HINT3: variants seen among roughly 807,000 people sequenced by gnomAD.
HINT3 encodes adenosine 5'-monophosphoramidase HINT3.
A neutral mutation model predicts 19.1 loss-of-function variants in HINT3; 16 were observed. That is an observed-to-expected ratio of 0.84 (90% CI 0.57 to 1.27). HINT3 has a LOEUF of 1.27. HINT3 is among the 50% of genes most tolerant of loss of function. The probability of loss-of-function intolerance (pLI) is 0.00; values close to 1 mark genes in which losing one functional copy is unlikely to be tolerated. For missense variants in HINT3, 197 were observed against 225.8 expected, an observed-to-expected ratio of 0.87 and a Z score of 0.82; for synonymous variants, 75 against 84.8, an observed-to-expected ratio of 0.88 and a Z score of 0.63.
rs1554209736 is a variant in HINT3, at chr6:125,962,233, T to TATATATATATATATAC, written c.202-4653_202-4652insTATATATATATATACA. Among the ~76,000 whole-genome samples the TATATATATATATATAC allele has an allele frequency of 1.9e-4, 4 of 20,706 alleles. 1 individual carries two copies. Among genetic ancestry groups the TATATATATATATATAC allele is most frequent in the African/African-American group, 1.3e-3 (4 of 3,094 alleles). The allele number at this position is 20,706 out of a possible 152,430, so 13.6% of individuals were successfully genotyped here. A position where few individuals can be genotyped will look rare whatever the true frequency, so the allele number is the denominator to read the frequency against. On this transcript the variant is annotated intron_variant, in intron 1 of 4. Transcript: ENST00000229633. ...ATACACATATATATATATATATATA[T>TATATATATATATATAC]ACACATATATATATATACACACATA...
At chr6:125,969,076 C>T (rs1789059995) in intron 2 of HINT3, among the ~76,000 whole-genome samples, 1 of 152,026 alleles carries the variant, frequency 6.6e-6, no homozygotes, top group Non-Finnish European at 1.5e-5. Context: ...TAAATTGTTT[C>T]CCAAGGCTGA....
chr6:125,972,593 TA>T (rs1044606763), intron 3 of HINT3, among the ~76,000 whole-genome samples: 4 of 151,926 alleles, frequency 2.6e-5, no homozygotes, highest in Non-Finnish European at 4.4e-5. Context: ...GTCTACTTTT[TA>T]AAAAAAAATT....
At chr6:125,977,474 A>G (rs1789195219) in intron 4 of HINT3, among the ~76,000 whole-genome samples, 170 bp from the exon 5 acceptor site, 1 of 152,198 alleles carries the variant, frequency 6.6e-6, no homozygotes. Flanking sequence ...CATACAATGT[A>G]GAATAATTAT....
At chr6:125,963,679 T>C (rs1788977163) in intron 1 of HINT3, among the ~76,000 whole-genome samples, 1 of 152,210 alleles carries the variant, frequency 6.6e-6, no homozygotes, top group African/African-American at 2.4e-5. Flanking sequence ...TCTTTTTATA[T>C]GTAAAGCATA....
Position 125,957,156 on chromosome 6 carries a change from G to T in HINT3, c.179G>T (p.Gly60Val). ...CGGATCGCGGGGCGGCAGGACCCGGGCACCGAACTCCTGCACTGCGAGGTG... is the reference window on the plus strand; with the variant it reads ...CGGATCGCGGGGCGGCAGGACCCGGTCACCGAACTCCTGCACTGCGAGGTG... ...FCRIAGRQDP[G>V]TELLHCENED... Residue 60 changes from glycine to valine, a missense_variant, in exon 1 of 5, where the codon GGC becomes GTC. By Grantham distance (109) the Gly-to-Val change is moderately radical. Transcript: ENST00000229633. The T allele has an allele frequency of 6.5e-7, 1 of 1,549,542 alleles. No individual in the cohort carries two copies. Among genetic ancestry groups the T allele is most frequent in the South Asian group, 1.2e-5 (1 of 84,052 alleles).
rs145582221 is a variant in HINT3, at chr6:125,972,507, A to G, written c.389+179A>G. On this transcript the variant is annotated intron_variant, in intron 3 of 4. Coordinates refer to ENST00000229633, the MANE Select transcript of HINT3 (RefSeq NM_138571.5). ...TAATAAAACTTCCTCTTGTGTCTCA[A>G]TATCTTCCAATAATTTCCACTTGAA... Among the ~76,000 whole-genome samples, 31 of 152,328 alleles carry G rather than the reference A, an allele frequency of 2.0e-4. 1 individual carries two copies. The East Asian group carries it at 5.6e-3, about 27-fold the overall frequency.
chr6:125,974,153 T>G (rs974729865), intron 3 of HINT3, among the ~76,000 whole-genome samples: 2 of 152,288 alleles, frequency 1.3e-5, no homozygotes, highest in East Asian at 1.9e-4. Flanking sequence ...TTGTTACAGG[T>G]GTGTGTTGCT....
chr6:125,971,269 C>G lies in HINT3; in HGVS notation c.320-990C>G, dbSNP rs141789919. Among the ~76,000 whole-genome samples, 22 of 152,238 alleles carry G rather than the reference C, an allele frequency of 1.4e-4. No individual in the cohort carries two copies. In the East Asian group the frequency reaches 3.9e-3, roughly 27 times the overall value. On this transcript the variant is annotated intron_variant, in intron 2 of 4. Coordinates refer to ENST00000229633, the MANE Select transcript of HINT3 (RefSeq NM_138571.5). ...AGGATAGGCTGACTGGAAGGGATAC[C>G]ATATCCTTAATTTGGGCTCAAAGAC...
chr6:125,962,527 A>G (rs1252223495), intron 1 of HINT3, among the ~76,000 whole-genome samples: 1 of 152,036 alleles, frequency 6.6e-6, no homozygotes, highest in Non-Finnish European at 1.5e-5. Context: ...TCATACATTC[A>G]TATACTCATT....
chr6:125,962,237 C>CATATAT (rs1334416940), intron 1 of HINT3, among the ~76,000 whole-genome samples: 4 of 15,752 alleles, frequency 2.5e-4, no homozygotes, highest in South Asian at 2.0e-3. Flanking sequence ...TATATATACA[C>CATATAT]ATATATATAT....
chr6:125,957,198 C>CG lies in HINT3; in HGVS notation c.201+25dup, dbSNP rs1306041710. The CG allele has an allele frequency of 1.6e-5, 24 of 1,537,700 alleles. No individual in the cohort carries two copies. Among genetic ancestry groups the CG allele is most frequent in the Non-Finnish European group, 2.0e-5 (23 of 1,140,286 alleles). On this transcript the variant is annotated intron_variant, in intron 1 of 4. Coordinates refer to ENST00000229633, the MANE Select transcript of HINT3 (RefSeq NM_138571.5). Reference sequence around the variant, plus strand: ...TGCGAGGTGGGCGGCGACGCGCGGCCGGGGGTGGGTGAGGACCTGGCCGCC... The same window carrying CG: ...TGCGAGGTGGGCGGCGACGCGCGGCCGGGGGGTGGGTGAGGACCTGGCCGCC...
At chr6:125,968,665 A>T (rs1032469034) in intron 2 of HINT3, among the ~76,000 whole-genome samples, 3 of 152,310 alleles carry the variant, frequency 2.0e-5, no homozygotes, top group East Asian at 1.9e-4. Flanking sequence ...CTTCTGCCTT[A>T]CCAGCATCTG....
At chr6:125,971,781 C>T (rs1046542825) in intron 2 of HINT3, among the ~76,000 whole-genome samples, 11 of 139,836 alleles carry the variant, frequency 7.9e-5, no homozygotes, top group African/African-American at 2.7e-4. Flanking sequence ...TCAATCTCGG[C>T]TCACTGCAAT....
intron 3 of HINT3, among the ~76,000 whole-genome samples, chr6:125,972,738 C>T (rs549871924): frequency 1.3e-4 from 20 of 152,080 alleles, no homozygotes; most frequent in Non-Finnish European, 2.8e-4. Context: ...CAGGCAAGTA[C>T]TGCCACACCC....
At chr6:125,962,871 A>G (rs979835575) in intron 1 of HINT3, among the ~76,000 whole-genome samples, 1 of 152,216 alleles carries the variant, frequency 6.6e-6, no homozygotes, top group East Asian at 1.9e-4. Context: ...ACAGATATAC[A>G]TAAACAGAGA....
intron 1 of HINT3, among the ~76,000 whole-genome samples, chr6:125,964,971 A>C (rs756841667): frequency 6.6e-6 from 1 of 152,154 alleles, no homozygotes; most frequent in African/African-American, 2.4e-5. Context: ...TCAAGTTTCT[A>C]TATTTTTGAG....
chr6:125,968,340 A>G (rs540187470), intron 2 of HINT3, among the ~76,000 whole-genome samples: 1 of 152,300 alleles, frequency 6.6e-6, no homozygotes, highest in Admixed American at 6.5e-5. Context: ...AAAGGAGATG[A>G]CTTCATTCTT....
At chr6:125,961,059 T>C (rs1185416892) in intron 1 of HINT3, among the ~76,000 whole-genome samples, 1 of 152,108 alleles carries the variant, frequency 6.6e-6, no homozygotes, top group Non-Finnish European at 1.5e-5. Context: ...GATCCAGACT[T>C]CTATCACATC....
chr6:125,970,997 G>A (rs901586990), intron 2 of HINT3, among the ~76,000 whole-genome samples: 3 of 152,188 alleles, frequency 2.0e-5, no homozygotes, highest in Admixed American at 6.5e-5. Flanking sequence ...GATTTTGTAA[G>A]TCTCAATATA....
Sources: gnomAD v4.1 joint callset for allele counts (sites outside exome capture counted in the v4.1 genomes callset) on GRCh38, gnomAD v4.1.1 for gene constraint, MANE v1.5 for transcripts, NCBI Gene and HGNC (gene_info 2026-07-23, HGNC 2026-07-21) for gene names.